PIK3R1: variants seen among roughly 807,000 people sequenced by gnomAD.
PIK3R1 encodes the protein phosphatidylinositol 3-kinase regulatory subunit alpha.
Under a neutral mutation model 98.0 loss-of-function variants are expected in PIK3R1, and 29 were observed. That is an observed-to-expected ratio of 0.30 (90% CI 0.22 to 0.40). The LOEUF (loss-of-function observed/expected upper bound fraction) is 0.40, where lower values mean the gene tolerates loss of function less well. Among genes scored for constraint, PIK3R1 ranks in the 10% least tolerant of loss-of-function variants. PIK3R1 has a pLI of 1.00. For synonymous variants in PIK3R1, 282 were observed against 311.8 expected (o/e 0.90, Z 1.01); for missense variants, 596 against 872.7 (o/e 0.68, Z 3.99).
chr5:68,280,802 A>G, intron 6 of PIK3R1, 73 bp downstream of exon 6: 1 of 1,349,446 alleles, frequency 7.4e-7, no homozygotes, highest in Non-Finnish European at 1.1e-6. Context: ...ATGAAAATGT[A>G]TTCTGAATAT....
At chr5:68,257,815 C>T (rs1441018657) in intron 2 of PIK3R1, among the ~76,000 whole-genome samples, 2 of 152,158 alleles carry the variant, frequency 1.3e-5, no homozygotes, top group Non-Finnish European at 2.9e-5. Context: ...CCTATAATTC[C>T]CTGTTATCTT....
At chr5:68,243,593 G>A (rs1240537456) in intron 2 of PIK3R1, among the ~76,000 whole-genome samples, 1 of 152,052 alleles carries the variant, frequency 6.6e-6, no homozygotes, top group Non-Finnish European at 1.5e-5. Context: ...GAGAAAATGT[G>A]TAAACCAACT....
intron 1 of PIK3R1, among the ~76,000 whole-genome samples, chr5:68,219,013 CT>C (rs1744000171): frequency 6.6e-6 from 1 of 152,180 alleles, no homozygotes; most frequent in African/African-American, 2.4e-5. Context: ...TCTGCCAATA[CT>C]TGTATGGAGT....
At chr5:68,266,774 T>C (rs1157636597) in intron 2 of PIK3R1, among the ~76,000 whole-genome samples, 1 of 152,190 alleles carries the variant, frequency 6.6e-6, no homozygotes, top group Non-Finnish European at 1.5e-5. Context: ...GGACAAATAG[T>C]TTCCTTGCCT....
At chr5:68,261,338 T>C (rs1745736205) in intron 2 of PIK3R1, among the ~76,000 whole-genome samples, 1 of 152,150 alleles carries the variant, frequency 6.6e-6, no homozygotes. Flanking sequence ...CTGGAGACAT[T>C]AAATGTTTTG....
chr5:68,296,409 G>A (rs1747716637), intron 15 of PIK3R1, 68 bp downstream of exon 15: 1 of 1,409,334 alleles, frequency 7.1e-7, no homozygotes, highest in African/African-American at 1.4e-5. Context: ...TTCATTCATT[G>A]AGTTTTGGGG....
chr5:68,232,499 G>A (rs755583417), intron 2 of PIK3R1, among the ~76,000 whole-genome samples: 3 of 152,174 alleles, frequency 2.0e-5, no homozygotes, highest in Non-Finnish European at 4.4e-5. Flanking sequence ...CTTACCCAGA[G>A]GGGAGAGGAA....
Position 68,301,382 on chromosome 5 carries a change from GTGTGTGTGTGTATATATATATATA to G in PIK3R1, c.*3783_*3806del, listed in dbSNP as rs1360626978. The G allele has an allele frequency of 2.1e-3, 95 of 45,880 alleles. 4 individuals carry two copies. The East Asian group carries it at 0.038, about 18-fold the overall frequency. 2.8% of individuals were successfully genotyped at this position (45,880 alleles called of 1,614,324 possible). A position where few individuals can be genotyped will look rare whatever the true frequency, so the allele number is the denominator to read the frequency against. ...TATATATATATGTGTGTGTGTGTGT[GTGTGTGTGTGTATATATATATATA>G]TATATATATATATATATATATATAT... is the stretch of plus-strand genomic sequence containing the variant. On this transcript the variant is annotated 3_prime_UTR_variant, in exon 16 of 16. Transcript: ENST00000521381.
intron 2 of PIK3R1, among the ~76,000 whole-genome samples, chr5:68,244,648 T>C (rs1380560898): frequency 6.6e-6 from 1 of 151,898 alleles, no homozygotes; most frequent in Non-Finnish European, 1.5e-5. Flanking sequence ...AATATATGAA[T>C]GCTGCTGTTC....
intron 2 of PIK3R1, among the ~76,000 whole-genome samples, chr5:68,250,437 G>A (rs1042550754): frequency 2.0e-5 from 3 of 152,336 alleles, no homozygotes; most frequent in East Asian, 3.9e-4. Context: ...GGCGTGGGGG[G>A]ATTAGATTAT....
chr5:68,294,470 A>T, intron 11 of PIK3R1, 66 bp from the exon 12 acceptor site: 1 of 1,173,102 alleles, frequency 8.5e-7, no homozygotes, highest in Non-Finnish European at 1.2e-6. Flanking sequence ...ATGTCCTGGT[A>T]GTGTCTTGCA....
chr5:68,291,884 T>A (rs1747414607), intron 7 of PIK3R1: 1 of 158,976 alleles, frequency 6.3e-6, no homozygotes, highest in Admixed American at 6.3e-5. Context: ...TTATTCCTGC[T>A]ACTCATATGT....
At position 68,298,014 on chromosome 5, in the gene PIK3R1, C is replaced by G. The variant is rs2112297829; in HGVS notation, c.*413C>G. The stretch of plus-strand genomic sequence containing the variant: ...CGGAGGAGAGAGAGGCAGAAGAACC[C>G]TGGCCTGAGAAGGTTTGGTCCAGCC... On this transcript the variant is annotated 3_prime_UTR_variant, in exon 16 of 16. Coordinates refer to ENST00000521381, the MANE Select transcript of PIK3R1 (RefSeq NM_181523.3). The G allele has an allele frequency of 4.2e-6, 1 of 235,730 alleles. No homozygotes were observed. Among genetic ancestry groups the G allele is most frequent in the Non-Finnish European group, 8.3e-6 (1 of 119,768 alleles). 14.6% of individuals were successfully genotyped at this position (235,730 alleles called of 1,614,324 possible). A position where few individuals can be genotyped will look rare whatever the true frequency, so the allele number is the denominator to read the frequency against.
At chr5:68,237,584 A>C (rs1230767151) in intron 2 of PIK3R1, among the ~76,000 whole-genome samples, 1 of 124,416 alleles carries the variant, frequency 8.0e-6, no homozygotes, top group East Asian at 2.5e-4. Flanking sequence ...TTATTTACTT[A>C]TTTTCCCATT....
intron 7 of PIK3R1, among the ~76,000 whole-genome samples, chr5:68,287,221 T>C (rs1747113941): frequency 6.6e-6 from 1 of 152,228 alleles, no homozygotes; most frequent in African/African-American, 2.4e-5. Context: ...TTAAGCAAGC[T>C]AAAAATAGAA....
Position 68,262,907 on chromosome 5 carries a change from G to GTATACA in PIK3R1, c.335-10481_335-10480insTACATA, listed in dbSNP as rs1170830393. Among the ~76,000 whole-genome samples, 12 of 70,060 alleles carry GTATACA rather than the reference G, an allele frequency of 1.7e-4. 3 individuals are homozygous for GTATACA. Among genetic ancestry groups the GTATACA allele is most frequent in the Non-Finnish European group, 3.6e-4 (12 of 33,486 alleles). 46.0% of individuals were successfully genotyped at this position (70,060 alleles called of 152,430 possible). A position where few individuals can be genotyped will look rare whatever the true frequency, so the allele number is the denominator to read the frequency against. ...TAGATACATGTATACATATATACAT[G>GTATACA]TAGATACATGTAGATACATGTATAC... On this transcript the variant is annotated intron_variant, in intron 2 of 15. Coordinates refer to ENST00000521381, the MANE Select transcript of PIK3R1 (RefSeq NM_181523.3).
chr5:68,238,579 A>G (rs1044505222), intron 2 of PIK3R1, among the ~76,000 whole-genome samples: 1 of 152,356 alleles, frequency 6.6e-6, no homozygotes, highest in South Asian at 2.1e-4. Context: ...AGACTAAGTT[A>G]AAAATGTAAT....
chr5:68,225,284 C>T (rs141318684), intron 1 of PIK3R1, among the ~76,000 whole-genome samples: 9 of 151,428 alleles, frequency 5.9e-5, no homozygotes, highest in Non-Finnish European at 1.3e-4. Context: ...TCTTCCATTC[C>T]ATTGAATTCA....
rs1747962203 is a variant in PIK3R1, at chr5:68,300,201, T to C, written c.*2600T>C. On this transcript the variant is annotated 3_prime_UTR_variant, in exon 16 of 16. Coordinates refer to ENST00000521381, the MANE Select transcript of PIK3R1 (RefSeq NM_181523.3). Reference sequence around the variant, plus strand: ...TCACAAACATAAGTGCAATAGATCTTTTCATTGAACAGCAAAGTAGGATTC... The same window carrying C: ...TCACAAACATAAGTGCAATAGATCTCTTCATTGAACAGCAAAGTAGGATTC... The C allele has an allele frequency of 4.3e-6, 1 of 233,140 alleles. No homozygotes were observed. The highest frequency in any genetic ancestry group is 5.6e-5 in the Admixed American group (1 of 17,770). 14.4% of individuals were successfully genotyped at this position (233,140 alleles called of 1,614,324 possible).
Sources: gnomAD v4.1 joint callset for allele counts (sites outside exome capture counted in the v4.1 genomes callset) on GRCh38, gnomAD v4.1.1 for gene constraint, MANE v1.5 for transcripts, NCBI Gene and HGNC (gene_info 2026-07-23, HGNC 2026-07-21) for gene names.